Variants in ZNF507 observed in about 807,000 individuals in gnomAD.
The protein encoded by ZNF507 is zinc finger protein 507.
A neutral mutation model predicts 80.0 loss-of-function variants in ZNF507; 29 were observed. The ratio of observed to expected loss-of-function variants is 0.36; its 90% CI spans 0.27 to 0.49. ZNF507 has a LOEUF of 0.49. ZNF507 is among the 20% of genes least tolerant of loss of function. The pLI is 0.98. For synonymous variants in ZNF507, 462 were observed against 422.5 expected, an observed-to-expected ratio of 1.09 and a Z score of -1.15; for missense variants, 1,081 against 1,152.2, an observed-to-expected ratio of 0.94 and a Z score of 0.90.
rs746465513 is a variant in ZNF507 at position 32,353,133 on chromosome 19, A to G, written c.303A>G (p.Arg101=). 1.4e-5 allele frequency: 22 copies of G among 1,614,120 alleles called. No individual in the cohort carries two copies. Among genetic ancestry groups the G allele is most frequent in the Non-Finnish European group, 1.9e-5 (22 of 1,180,056 alleles). ...TCCAGTCACCTGCTGCTGATACTAG[A>G]AGGGCTGAGATGTCACAAACAAATT... ...KVIQSPAADT[R]RAEMSQTNFT... The change falls in exon 3 of 7, where the codon AGA becomes AGG. Residue 101 remains arginine, a synonymous_variant. Coordinates refer to ENST00000355898, the MANE Select transcript of ZNF507 (RefSeq NM_001136156.2).
chr19:32,371,264 C>T lies in ZNF507; in HGVS notation c.2360+10646C>T, dbSNP rs527666426. On this transcript the variant is annotated intron_variant, in intron 5 of 6. Transcript: ENST00000355898. ...CTGAGGCGGGTGGATCACCTGAGGC[C>T]GATAGTTCGAGACCAGGCTGACCAA... 7.7e-4 allele frequency among the ~76,000 whole-genome samples: 117 copies of T among 151,948 alleles called. 2 individuals are homozygous for T. Among genetic ancestry groups the T allele is most frequent in the South Asian group, 5.4e-3 (26 of 4,800 alleles).
intron 5 of ZNF507, among the ~76,000 whole-genome samples, chr19:32,367,492 G>A (rs929088118): frequency 3.9e-5 from 6 of 152,194 alleles, no homozygotes; most frequent in Non-Finnish European, 8.8e-5. Context: ...CTTTCTTAAT[G>A]ATGTCTTTTG....
chr19:32,373,961 G>T (rs1967509237), intron 5 of ZNF507, among the ~76,000 whole-genome samples: 1 of 152,154 alleles, frequency 6.6e-6, no homozygotes, highest in African/African-American at 2.4e-5. Context: ...GCTTTGAAAG[G>T]CTTGCTTAGT....
At chr19:32,367,099 G>A (rs1308636242) in intron 5 of ZNF507, among the ~76,000 whole-genome samples, 1 of 152,178 alleles carries the variant, frequency 6.6e-6, no homozygotes, top group African/African-American at 2.4e-5. Context: ...TTCTGGTGAG[G>A]GTCTCAGGAG....
intron 5 of ZNF507, among the ~76,000 whole-genome samples, chr19:32,376,443 A>T (rs1199033208): frequency 6.6e-6 from 1 of 152,202 alleles, no homozygotes; most frequent in Non-Finnish European, 1.5e-5. Flanking sequence ...GGAATATGCA[A>T]AGTGATCCTG....
intron 5 of ZNF507, among the ~76,000 whole-genome samples, chr19:32,361,704 CCTTCCTTCCTTTCCTTTCTTCCT>C: frequency 1.4e-5 from 2 of 141,616 alleles, no homozygotes; most frequent in South Asian, 4.5e-4. Context: ...TCCTTCCTTT[CCTTCCTTCCTTTCCTTTCTTCCT>C]TTCCTTCCTT....
In ZNF507 at chr19:32,386,496, T is replaced by C. The variant is rs1967692174; in HGVS notation, c.*3413T>C. The C allele has an allele frequency of 6.6e-6, 1 of 152,652 alleles. No homozygotes were observed. The highest frequency in any genetic ancestry group is 6.5e-5 in the Admixed American group (1 of 15,278). The allele number at this position is 152,652 out of a possible 1,614,324, so 9.5% of individuals were successfully genotyped here. A position where few individuals can be genotyped will look rare whatever the true frequency, so the allele number is the denominator to read the frequency against. Reference sequence around the variant, plus strand: ...TGAATACATGTATTTTTTTAAGAAATAAGTATTGTGTAACACTATGGCATT... The same window carrying C: ...TGAATACATGTATTTTTTTAAGAAACAAGTATTGTGTAACACTATGGCATT... On this transcript the variant is annotated 3_prime_UTR_variant, in exon 7 of 7. Transcript: ENST00000355898.
chr19:32,365,782 A>C (rs1967390500), intron 5 of ZNF507, among the ~76,000 whole-genome samples: 1 of 152,114 alleles, frequency 6.6e-6, no homozygotes, highest in South Asian at 2.1e-4. Context: ...TAGGTTCTGA[A>C]ACTGTACTGT....
chr19:32,365,854 A>T (rs1967391308), intron 5 of ZNF507, among the ~76,000 whole-genome samples: 2 of 152,200 alleles, frequency 1.3e-5, no homozygotes, highest in African/African-American at 4.8e-5. Flanking sequence ...TACTCCACAC[A>T]CTGCCCGGGA....
At chr19:32,349,850 A>G (rs1160343268) in intron 2 of ZNF507, among the ~76,000 whole-genome samples, 1 of 152,206 alleles carries the variant, frequency 6.6e-6, no homozygotes, top group African/African-American at 2.4e-5. Flanking sequence ...TCATCATGCA[A>G]CTTCAATTAC....
intron 3 of ZNF507, among the ~76,000 whole-genome samples, chr19:32,356,357 G>A (rs1383802681): frequency 6.6e-6 from 1 of 152,180 alleles, no homozygotes; most frequent in Non-Finnish European, 1.5e-5. Flanking sequence ...GACACGCCCT[G>A]TGTAATCACC....
At chr19:32,346,797 G>A (rs565891837) in intron 1 of ZNF507, among the ~76,000 whole-genome samples, 1 of 152,202 alleles carries the variant, frequency 6.6e-6, no homozygotes, top group African/African-American at 2.4e-5. Context: ...TGCGTTAGAA[G>A]ATATATAGGT....
At chr19:32,375,232 G>A (rs967110921) in intron 5 of ZNF507, among the ~76,000 whole-genome samples, 1 of 152,214 alleles carries the variant, frequency 6.6e-6, no homozygotes, top group Non-Finnish European at 1.5e-5. Context: ...ACAACTGAGG[G>A]AGAAAGCACT....
At chr19:32,364,430 C>A (rs1967369362) in intron 5 of ZNF507, among the ~76,000 whole-genome samples, 1 of 151,994 alleles carries the variant, frequency 6.6e-6, no homozygotes, top group East Asian at 1.9e-4. Flanking sequence ...CTGGTGCATC[C>A]ATCACCCGAG....
intron 5 of ZNF507, among the ~76,000 whole-genome samples, chr19:32,374,381 GT>G (rs1395478738): frequency 6.6e-6 from 1 of 151,652 alleles, no homozygotes; most frequent in Non-Finnish European, 1.5e-5. Flanking sequence ...ATTTGTAACA[GT>G]TTTTAATTTT....
chr19:32,348,305 T>A (rs1967121066), intron 2 of ZNF507, among the ~76,000 whole-genome samples: 2 of 1,342 alleles, frequency 1.5e-3, no homozygotes, highest in Admixed American at 0.02. Flanking sequence ...ATAGCACAAT[T>A]TTTTTTTTTT....
chr19:32,353,394 C>G lies in ZNF507; in HGVS notation c.564C>G (p.Ser188=), dbSNP rs769935539. 1 of 1,614,178 alleles carries G rather than the reference C, an allele frequency of 6.2e-7. No homozygotes were observed. Among genetic ancestry groups the G allele is most frequent in the Non-Finnish European group, 8.5e-7 (1 of 1,180,036 alleles). ...ATGATGCCAATATCCACACCCAATCCAAAGCCCAACAGTGCGTAAGCCCCT... is the reference window on the plus strand; with the variant it reads ...ATGATGCCAATATCCACACCCAATCGAAAGCCCAACAGTGCGTAAGCCCCT... ...HDNDANIHTQ[S]KAQQCVSPSS... is the part of the protein sequence containing the mutation. Residue 188 remains serine, a synonymous_variant, in exon 3 of 7, where the codon TCC becomes TCG. Coordinates refer to ENST00000355898, the MANE Select transcript of ZNF507 (RefSeq NM_001136156.2).
intron 5 of ZNF507, 159 bp from the exon 6 acceptor site, chr19:32,382,308 G>A: frequency 1.2e-6 from 1 of 868,728 alleles, no homozygotes; most frequent in Non-Finnish European, 1.8e-6. Flanking sequence ...TCTGAAATCA[G>A]TGTACCTCTT....
rs563598774 is a variant in ZNF507, at chr19:32,353,782, A to G, written c.952A>G (p.Asn318Asp). The change falls in exon 3 of 7, where the codon AAT becomes GAT. Residue 318 changes from asparagine (N) to aspartate (D), a missense_variant. By Grantham distance (23) the Asn-to-Asp change is conservative (BLOSUM62 1). Around this residue, in one of 6 missense-constraint regions of ZNF507, gnomAD observed 614 missense variants for 583.9 expected, o/e 1.05. Coordinates refer to ENST00000355898, the MANE Select transcript of ZNF507 (RefSeq NM_001136156.2). ...AIGESELSIH[N>D]GPSVQVQICS... Reference sequence around the variant, plus strand: ...TGGAGAGAGTGAACTGAGTATCCACAATGGGCCATCAGTGCAAGTGCAGAT... The same window carrying G: ...TGGAGAGAGTGAACTGAGTATCCACGATGGGCCATCAGTGCAAGTGCAGAT... The G allele has an allele frequency of 5.0e-6, 8 of 1,614,098 alleles. No individual in the cohort carries two copies. Among genetic ancestry groups the G allele is most frequent in the Non-Finnish European group, 6.8e-6 (8 of 1,180,044 alleles).
Sources: allele counts gnomAD v4.1 joint callset (sites outside exome capture counted in the v4.1 genomes callset), GRCh38; gene constraint gnomAD v4.1.1; regional missense constraint gnomAD v4.1.1; transcripts MANE v1.5; gene names NCBI Gene and HGNC (gene_info 2026-07-23, HGNC 2026-07-21).